The following SLF2 variants were observed in gnomAD, a reference collection of about 807,000 sequenced individuals.
SLF2 encodes the protein SMC5-SMC6 complex localization factor protein 2.
In SLF2, 68 loss-of-function variants were observed where a neutral mutation model predicts 124.3. The observed-to-expected ratio is 0.55, with a 90% CI of 0.45 to 0.67. The LOEUF (loss-of-function observed/expected upper bound fraction) is 0.67. Among genes scored for constraint, SLF2 ranks in the 30% least tolerant of loss-of-function variants. The pLI, the probability that SLF2 is intolerant of heterozygous loss-of-function variation, is 0.00. For missense variants in SLF2, 1,246 were observed against 1,373.7 expected (o/e 0.91, Z 1.47); for synonymous variants, 480 against 478.8 (o/e 1.00, Z -0.03).
Position 100,924,425 on chromosome 10 carries a change from T to C in SLF2, c.1424T>C (p.Leu475Ser). Residue 475 changes from leucine to serine, a missense_variant, in exon 5 of 20, where the codon TTA becomes TCA. Coordinates refer to ENST00000238961, the MANE Select transcript of SLF2 (RefSeq NM_018121.4). ...TTKEKETKLPLLSRVPSAGSS... is the reference protein window; with the variant it reads ...TTKEKETKLPSLSRVPSAGSS... ...AAGGAGAAGGAGACAAAACTACCTTTACTTTCCCGTGTTCCAAGTGCTGGT... is the reference window on the plus strand; with the variant it reads ...AAGGAGAAGGAGACAAAACTACCTTCACTTTCCCGTGTTCCAAGTGCTGGT... 1 of 1,614,182 alleles carries C rather than the reference T, an allele frequency of 6.2e-7. No homozygotes were observed. Among genetic ancestry groups the C allele is most frequent in the Non-Finnish European group, 8.5e-7 (1 of 1,180,030 alleles).
intron 5 of SLF2, among the ~76,000 whole-genome samples, chr10:100,925,575 T>C (rs1030230107): frequency 6.6e-6 from 1 of 152,212 alleles, no homozygotes. Flanking sequence ...AATTCTAAGA[T>C]GTCTGTAAAA....
intron 11 of SLF2, among the ~76,000 whole-genome samples, chr10:100,942,182 G>T (rs1026765812): frequency 6.6e-6 from 1 of 151,894 alleles, no homozygotes; most frequent in African/African-American, 2.4e-5. Context: ...CCCAGAGTTA[G>T]CACAGAGCCC....
chr10:100,943,927 C>A, intron 11 of SLF2, 99 bp from the exon 12 acceptor site: 2 of 682,666 alleles, frequency 2.9e-6, no homozygotes, highest in Non-Finnish European at 4.8e-6. Flanking sequence ...TAAATTATAC[C>A]TCGATAAAAC....
intron 11 of SLF2, among the ~76,000 whole-genome samples, chr10:100,943,500 C>G (rs760573033): frequency 3.9e-5 from 6 of 152,272 alleles, no homozygotes; most frequent in Middle Eastern, 3.4e-3. Flanking sequence ...TGTTATCTAT[C>G]TTTTGAAAGC....
intron 1 of SLF2, 110 bp downstream of exon 1, chr10:100,913,360 G>GGAGCAT: frequency 7.3e-7 from 1 of 1,374,952 alleles, no homozygotes; most frequent in Non-Finnish European, 9.4e-7. Context: ...GAGCTCAGGC[G>GGAGCAT]TTGGCATTTC....
At chr10:100,958,243 G>T (rs1850368569) in intron 18 of SLF2, among the ~76,000 whole-genome samples, 1 of 152,058 alleles carries the variant, frequency 6.6e-6, no homozygotes, top group African/African-American at 2.4e-5. Context: ...AGCTGCAAAG[G>T]TTAGTCATTT....
At position 100,948,357 on chromosome 10, in the gene SLF2, C is replaced by G. The variant is rs113804802; in HGVS notation, c.3120+510C>G. Among the ~76,000 whole-genome samples, 720 of 152,296 alleles carry G rather than the reference C, an allele frequency of 4.7e-3. 6 individuals are homozygous for G. Among genetic ancestry groups the G allele is most frequent in the African/African-American group, 0.017 (692 of 41,578 alleles). The stretch of plus-strand genomic sequence containing the variant: ...AAACATGTCCAGCTGTTGCTGGGTA[C>G]TGGTGGCACACACCTATCGTCCCAG... On this transcript the variant is annotated intron_variant, in intron 15 of 19. Coordinates refer to ENST00000238961, the MANE Select transcript of SLF2 (RefSeq NM_018121.4).
At position 100,929,320 on chromosome 10, in the gene SLF2, A is replaced by G; in HGVS notation, c.2046A>G (p.Leu682=). The G allele has an allele frequency of 6.2e-7, 1 of 1,609,070 alleles. No individual in the cohort carries two copies. Residue 682 remains leucine (L), a synonymous_variant, in exon 7 of 20, where the codon CTA becomes CTG. Coordinates refer to ENST00000238961, the MANE Select transcript of SLF2 (RefSeq NM_018121.4). ...LVKEMEDTQR[L]DELQKQLQED... ...TAACATTCTTTCCAATTCTCAGGCTAGATGAACTGCAGAAGCAACTACAAG... is the reference window on the plus strand; with the variant it reads ...TAACATTCTTTCCAATTCTCAGGCTGGATGAACTGCAGAAGCAACTACAAG...
intron 19 of SLF2, among the ~76,000 whole-genome samples, chr10:100,960,240 A>G (rs1013555716): frequency 2.6e-5 from 4 of 152,234 alleles, no homozygotes; most frequent in African/African-American, 4.8e-5. Context: ...GAACATTTGT[A>G]TGCAAGTTTT....
At position 100,953,253 on chromosome 10, in the gene SLF2, C is replaced by A. The variant is rs555381309; in HGVS notation, c.3330+2500C>A. The stretch of plus-strand genomic sequence containing the variant: ...ATCATGTTGCTCTCGAACTCCTGAC[C>A]TTGTGATCCGCCCACCTCGGCCTCC... On this transcript the variant is annotated intron_variant, in intron 17 of 19. Transcript: ENST00000238961. Among the ~76,000 whole-genome samples, 349 of 151,860 alleles carry A rather than the reference C, an allele frequency of 2.3e-3. 3 individuals are homozygous for A. Among genetic ancestry groups the A allele is most frequent in the African/African-American group, 8.2e-3 (340 of 41,532 alleles).
At chr10:100,915,048 A>T (rs1176786232) in intron 1 of SLF2, among the ~76,000 whole-genome samples, 8 of 152,216 alleles carry the variant, frequency 5.3e-5, no homozygotes, top group Non-Finnish European at 1.0e-4. Context: ...TCTACAGTGA[A>T]CAAATCAGAA....
In SLF2 at chr10:100,950,748, C is replaced by A; in HGVS notation, c.3325C>A (p.Gln1109Lys). Reference sequence around the variant, plus strand: ...TTGTTCTCATTCTTTTTCTTCTGGACAACGGGTAGGTAGTGTTTAGTGTTG... The same window carrying A: ...TTGTTCTCATTCTTTTTCTTCTGGAAAACGGGTAGGTAGTGTTTAGTGTTG... ...VSCSHSFSSG[Q>K]RKHFVLLCGA... Residue 1109 changes from glutamine (Q) to lysine (K), a missense_variant, in exon 17 of 20, where the codon CAA becomes AAA. This residue lies in a region of SLF2 where 535 missense variants were observed against 632.8 expected (regional missense o/e 0.85). Transcript: ENST00000238961. The A allele has an allele frequency of 6.2e-7, 1 of 1,613,408 alleles. No homozygotes were observed. The highest frequency in any genetic ancestry group is 8.5e-7 in the Non-Finnish European group (1 of 1,179,448).
At chr10:100,914,441 T>C (rs1478000815) in intron 1 of SLF2, among the ~76,000 whole-genome samples, 1 of 152,174 alleles carries the variant, frequency 6.6e-6, no homozygotes. Context: ...CCCAAAATCA[T>C]TTTTTCTCTT....
chr10:100,913,325 T>C, intron 1 of SLF2, 75 bp downstream of exon 1: 1 of 1,377,684 alleles, frequency 7.3e-7, no homozygotes, highest in Non-Finnish European at 9.4e-7. Context: ...AGACCGCCGC[T>C]CTTCCAGTTC....
intron 11 of SLF2, among the ~76,000 whole-genome samples, chr10:100,939,905 GTAATCT>G (rs1849934751): frequency 6.6e-6 from 1 of 152,182 alleles, no homozygotes; most frequent in African/African-American, 2.4e-5. Context: ...TTACTCAGAT[GTAATCT>G]GTATCTGAAA....
At chr10:100,936,598 G>A (rs1005606519) in intron 9 of SLF2, among the ~76,000 whole-genome samples, 1 of 152,128 alleles carries the variant, frequency 6.6e-6, no homozygotes, top group African/African-American at 2.4e-5. Context: ...GCCTCCCAAA[G>A]TGCTGGGATT....
intron 12 of SLF2, 67 bp downstream of exon 12, chr10:100,944,195 T>C: frequency 5.2e-6 from 6 of 1,150,648 alleles, no homozygotes; most frequent in East Asian, 2.7e-5. Context: ...TTAATGGTTT[T>C]TAAAAAAAAA....
intron 6 of SLF2, 26 bp from the exon 7 acceptor site, chr10:100,929,291 G>A: frequency 6.3e-7 from 1 of 1,588,540 alleles, no homozygotes; most frequent in Non-Finnish European, 8.6e-7. Context: ...AGAGTAAACT[G>A]TTATAACATT....
rs753401631 is a variant in SLF2, at chr10:100,945,436, A to G, written c.2864A>G (p.Gln955Arg). The G allele has an allele frequency of 5.6e-6, 9 of 1,598,560 alleles. No individual in the cohort carries two copies. Among genetic ancestry groups the G allele is most frequent in the Non-Finnish European group, 7.6e-6 (9 of 1,176,766 alleles). ...ATGAGTTTGGAAAAACAGCTGAAAC[A>G]GATTCCTTTAGTAGACTTTCAAAGC... ...FKMSLEKQLK[Q>R]IPLVDFQSLL... is the part of the protein sequence containing the mutation. Residue 955 changes from glutamine (Q) to arginine (R), a missense_variant, in exon 13 of 20, where the codon CAG (glutamine) becomes CGG (arginine). Physicochemically the swap from Gln to Arg is conservative, Grantham distance 43. Transcript: ENST00000238961.
Sources: allele counts gnomAD v4.1 joint callset (sites outside exome capture counted in the v4.1 genomes callset), GRCh38; gene constraint gnomAD v4.1.1; regional missense constraint gnomAD v4.1.1; transcripts MANE v1.5; gene names NCBI Gene and HGNC (gene_info 2026-07-23, HGNC 2026-07-21).